The following TMPRSS15 variants were observed in gnomAD, a reference collection of about 807,000 sequenced individuals.
TMPRSS15 encodes the protein enteropeptidase.
A neutral mutation model predicts 125.3 loss-of-function variants in TMPRSS15; 128 were observed. That is an observed-to-expected ratio of 1.02 (90% CI 0.89 to 1.18). The LOEUF (loss-of-function observed/expected upper bound fraction) is 1.18, where lower values mean the gene tolerates loss of function less well. Among genes scored for constraint, TMPRSS15 ranks in the 50% most tolerant of loss-of-function variants. TMPRSS15 has a pLI of 0.00. For missense variants in TMPRSS15, 1,283 were observed against 1,212.7 expected, an observed-to-expected ratio of 1.06 and a Z score of -0.86; for synonymous variants, 446 against 423.2, an observed-to-expected ratio of 1.05 and a Z score of -0.66.
chr21:18,465,189 G>A (rs2122955280), intron 1 of TMPRSS15, among the ~76,000 whole-genome samples: 5 of 151,898 alleles, frequency 3.3e-5, no homozygotes, highest in Admixed American at 6.6e-5. Flanking sequence ...ATGCAGAAAA[G>A]GCCTTGAATA....
chr21:18,469,462 T>G (rs1978734406), intron 1 of TMPRSS15, among the ~76,000 whole-genome samples: 1 of 152,148 alleles, frequency 6.6e-6, no homozygotes, highest in Non-Finnish European at 1.5e-5. Context: ...ATAAAAATAT[T>G]AAATTTTACA....
At chr21:18,438,070 C>G (rs1330023881) in intron 1 of TMPRSS15, among the ~76,000 whole-genome samples, 1 of 151,380 alleles carries the variant, frequency 6.6e-6, no homozygotes, top group Admixed American at 6.6e-5. Context: ...AGACTTGGAA[C>G]CAACCCAAAT....
chr21:18,364,772 A>C (rs552989167), intron 7 of TMPRSS15, among the ~76,000 whole-genome samples: 34 of 152,334 alleles, frequency 2.2e-4, no homozygotes, highest in Non-Finnish European at 4.4e-4. Context: ...TAAGCAGCAA[A>C]ATGAGAAAGA....
intron 3 of TMPRSS15, among the ~76,000 whole-genome samples, chr21:18,396,773 C>CAAAAA (rs766409350): frequency 2.1e-5 from 1 of 47,790 alleles, no homozygotes; most frequent in Non-Finnish European, 3.9e-5. Flanking sequence ...GACTCTGTCT[C>CAAAAA]AAAAAAAAAA....
In TMPRSS15 at chr21:18,332,141, G is replaced by A. The variant is rs748497707; in HGVS notation, c.1597C>T (p.Pro533Ser). ...DCGGPFELWE[P>S]NTTFSSTNFP... ...TTCGTAGAACTGAATGTTGTATTTG[G>A]CTCCCACAGCTCAAAAGGTCCTCCA... is the stretch of plus-strand genomic sequence containing the variant. Residue 533 changes from proline (P) to serine (S), a missense_variant, in exon 14 of 25, where the codon CCA becomes TCA. Pro to Ser is a moderately conservative substitution (Grantham distance 74). Coordinates refer to ENST00000284885, the MANE Select transcript of TMPRSS15 (RefSeq NM_002772.3). 9 of 1,614,060 alleles carry A rather than the reference G, an allele frequency of 5.6e-6. No individual in the cohort carries two copies. In the South Asian group the frequency reaches 7.7e-5, roughly 14 times the overall value.
At chr21:18,426,260 T>C (rs1240479633) in intron 1 of TMPRSS15, among the ~76,000 whole-genome samples, 1 of 152,200 alleles carries the variant, frequency 6.6e-6, no homozygotes, top group Non-Finnish European at 1.5e-5. Flanking sequence ...CTACTTTTTA[T>C]GCAAAATACC....
intron 1 of TMPRSS15, among the ~76,000 whole-genome samples, chr21:18,461,710 G>A (rs1247817901): frequency 1.3e-5 from 2 of 151,954 alleles, no homozygotes; most frequent in East Asian, 3.9e-4. Context: ...GTTTCCTTTA[G>A]ACACTTCCCC....
At chr21:18,482,570 C>T (rs1979002302) in intron 1 of TMPRSS15, among the ~76,000 whole-genome samples, 1 of 151,310 alleles carries the variant, frequency 6.6e-6, no homozygotes, top group Non-Finnish European at 1.5e-5. Flanking sequence ...ATATTATGTA[C>T]CAATAAAATT....
Position 18,472,345 on chromosome 21 carries a change from G to T in TMPRSS15, c.10+13454C>A, listed in dbSNP as rs1472344335. On this transcript the variant is annotated intron_variant, in intron 1 of 7. Transcript: ENST00000422787. ...TTAAATAAACGTATGTTCTAAAAAT[G>T]AACTTCTCCCTTTTAGCCTATGGGG... Among the ~76,000 whole-genome samples the T allele has an allele frequency of 4.6e-5, 7 of 151,618 alleles. No homozygotes were observed. The East Asian group carries it at 1.4e-3, about 29-fold the overall frequency.
chr21:18,458,053 T>C (rs1474767159), intron 1 of TMPRSS15, among the ~76,000 whole-genome samples: 1 of 152,164 alleles, frequency 6.6e-6, no homozygotes, highest in Non-Finnish European at 1.5e-5. Flanking sequence ...TAAGTGTGCT[T>C]GGTGCTACCA....
At chr21:18,446,699 T>C (rs6517815) in intron 1 of TMPRSS15, among the ~76,000 whole-genome samples, 59,143 of 151,938 alleles carry the variant, frequency 0.39, 12,161 homozygotes, top group Middle Eastern at 0.5. Flanking sequence ...AAAAAGACAG[T>C]CTCTTCAATA....
chr21:18,455,564 G>A (rs953202108), intron 1 of TMPRSS15, among the ~76,000 whole-genome samples: 2 of 152,130 alleles, frequency 1.3e-5, no homozygotes, highest in Non-Finnish European at 2.9e-5. Flanking sequence ...CTAGATGTGG[G>A]AATTATATAT....
chr21:18,309,176 C>T (rs1433085546), intron 18 of TMPRSS15, among the ~76,000 whole-genome samples: 3 of 152,012 alleles, frequency 2.0e-5, no homozygotes, highest in Admixed American at 2.0e-4. Flanking sequence ...CACTGTCTTC[C>T]ACAATGTTGG....
chr21:18,456,100 A>G (rs1007111988), intron 1 of TMPRSS15, among the ~76,000 whole-genome samples: 1 of 152,178 alleles, frequency 6.6e-6, no homozygotes, highest in African/African-American at 2.4e-5. Flanking sequence ...ATTTTTCTTC[A>G]AAGAAATGAA....
rs1236999795 is a variant in TMPRSS15, at chr21:18,398,278, G to C, written c.197C>G (p.Ser66Cys). The C allele has an allele frequency of 1.9e-6, 3 of 1,613,752 alleles. No homozygotes were observed. Among genetic ancestry groups the C allele is most frequent in the Middle Eastern group, 3.3e-4 (2 of 6,056 alleles). Residue 66 changes from serine to cysteine, a missense_variant, in exon 2 of 25, where the codon TCC becomes TGC. By Grantham distance (112) the Ser-to-Cys change is moderately radical. Transcript: ENST00000284885. ...HEARATFKIT[S>C]GVTYNPNLQD... ...CAAATTAGGATTATATGTAACTCCGGATGTTATTTTAAATGTCGCTCTGGC... is the reference window on the plus strand; with the variant it reads ...CAAATTAGGATTATATGTAACTCCGCATGTTATTTTAAATGTCGCTCTGGC...
At chr21:18,313,172 C>G in intron 17 of TMPRSS15, 95 bp from the exon 18 acceptor site, 1 of 832,724 alleles carries the variant, frequency 1.2e-6, no homozygotes. Flanking sequence ...TTCATTTAGA[C>G]AGGAGGAATA....
chr21:18,395,236 C>G (rs1419365444), intron 3 of TMPRSS15, among the ~76,000 whole-genome samples: 1 of 152,142 alleles, frequency 6.6e-6, no homozygotes, highest in African/African-American at 2.4e-5. Flanking sequence ...GAATATGTGA[C>G]TCTTTAGCCT....
At chr21:18,442,757 A>C (rs965990697) in intron 1 of TMPRSS15, among the ~76,000 whole-genome samples, 27 of 152,242 alleles carry the variant, frequency 1.8e-4, no homozygotes, top group African/African-American at 6.5e-4. Flanking sequence ...CTTAGATAAA[A>C]TATTTCCTCA....
chr21:18,348,495 G>A (rs2075532407), intron 10 of TMPRSS15, among the ~76,000 whole-genome samples: 1 of 152,172 alleles, frequency 6.6e-6, no homozygotes, highest in Non-Finnish European at 1.5e-5. Context: ...AAATACATAT[G>A]TAAAATTAGC....
Sources: allele counts gnomAD v4.1 joint callset (sites outside exome capture counted in the v4.1 genomes callset), GRCh38; gene constraint gnomAD v4.1.1; transcripts MANE v1.5; gene names NCBI Gene and HGNC (gene_info 2026-07-23, HGNC 2026-07-21).